The following SLC39A10 variants were observed in gnomAD, a reference collection of about 807,000 sequenced individuals.
SLC39A10 encodes the protein solute carrier family 39 member 10.
In SLC39A10, 13 loss-of-function variants were observed where a neutral mutation model predicts 65.1. The observed-to-expected ratio is 0.20, with a 90% CI of 0.13 to 0.32. The LOEUF (loss-of-function observed/expected upper bound fraction) is 0.32, where lower values mean the gene tolerates loss of function less well. Among genes scored for constraint, SLC39A10 ranks in the 10% least tolerant of loss-of-function variants. The pLI, the probability that SLC39A10 is intolerant of heterozygous loss-of-function variation, is 1.00. For missense variants in SLC39A10, 831 were observed against 1,018.4 expected (o/e 0.82, Z 2.50); for synonymous variants, 321 against 342.2 (o/e 0.94, Z 0.68).
At chr2:195,689,440 T>C (rs772108020) in intron 3 of SLC39A10, among the ~76,000 whole-genome samples, 5 of 152,074 alleles carry the variant, frequency 3.3e-5, no homozygotes, top group Non-Finnish European at 7.4e-5. Flanking sequence ...AAGAGGACTT[T>C]GGGTTTAGTT....
rs1343031845 is a variant in SLC39A10 at position 195,616,013 on chromosome 2, T to C, written c.-12+9780T>C. 2.0e-5 allele frequency among the ~76,000 whole-genome samples: 3 copies of C among 152,348 alleles called. No individual in the cohort carries two copies. The East Asian group carries it at 5.8e-4, about 29-fold the overall frequency. On this transcript the variant is annotated intron_variant, in intron 2 of 2. Coordinates refer to the SLC39A10 transcript ENST00000458054. ...CCGGTTCGCCCAGGCTAGAGTGCAG[T>C]GGCAGAATCTTGGCTCACTGCAAAC...
At position 195,680,463 on chromosome 2, in the gene SLC39A10, A is replaced by G. The variant is rs751226807; in HGVS notation, c.421A>G (p.Thr141Ala). ...TAATCATTTAAATTCAGAAAATCAA[A>G]CTGTGACCAGTGTATCCACAAAAAG... ...SHNHLNSENQ[T>A]VTSVSTKRNH... Residue 141 changes from threonine (T) to alanine (A), a missense_variant, in exon 2 of 10, where the codon ACT (threonine) becomes GCT (alanine). Around this residue, in one of 4 missense-constraint regions of SLC39A10, gnomAD observed 446 missense variants for 499.2 expected, o/e 0.89. Coordinates refer to ENST00000359634, the MANE Select transcript of SLC39A10 (RefSeq NM_020342.3). 6.2e-7 allele frequency: 1 copy of G among 1,614,184 alleles called. No individual in the cohort carries two copies. The highest frequency in any genetic ancestry group is 8.5e-7 in the Non-Finnish European group (1 of 1,180,026).
intron 2 of SLC39A10, among the ~76,000 whole-genome samples, chr2:195,649,334 G>C (rs927973292): frequency 2.6e-5 from 4 of 152,086 alleles, no homozygotes; most frequent in Non-Finnish European, 4.4e-5. Context: ...TTCATTTCTT[G>C]CCTTCCCTAA....
At chr2:195,652,708 C>T (rs950245438), upstream of SLC39A10, among the ~76,000 whole-genome samples, 2 of 152,094 alleles carry the variant, frequency 1.3e-5, no homozygotes, top group African/African-American at 2.4e-5. Flanking sequence ...AGTTAATTCT[C>T]TCCTGGATCA....
chr2:195,676,907 A>G lies in SLC39A10; in HGVS notation c.-11-3125A>G, dbSNP rs187875642. 2.5e-3 allele frequency among the ~76,000 whole-genome samples: 387 copies of G among 152,324 alleles called. 1 individual carries two copies. The highest frequency in any genetic ancestry group is 8.0e-3 in the Admixed American group (122 of 15,294). ...TGCAGTATATCCCATCTATTCATGT[A>G]GATGATGTGTTTCTCCAGGTTTTTC... On this transcript the variant is annotated intron_variant, in intron 1 of 9. Transcript: ENST00000359634.
chr2:195,711,201 C>G (rs1691591549), intron 5 of SLC39A10, among the ~76,000 whole-genome samples: 1 of 152,194 alleles, frequency 6.6e-6, no homozygotes. Context: ...CTCCAGTGAG[C>G]TTTCCCTTTA....
At chr2:195,664,438 A>C (rs544673826) in intron 1 of SLC39A10, among the ~76,000 whole-genome samples, 1 of 152,252 alleles carries the variant, frequency 6.6e-6, no homozygotes, top group Non-Finnish European at 1.5e-5. Flanking sequence ...GCAGTCATAG[A>C]AGAAATTGCA....
chr2:195,624,458 A>G (rs1019135491), intron 2 of SLC39A10, among the ~76,000 whole-genome samples: 7 of 151,852 alleles, frequency 4.6e-5, no homozygotes, highest in African/African-American at 1.7e-4. Context: ...AAAAATAAAA[A>G]ATAACTTAAA....
At chr2:195,709,930 C>T (rs1691551342) in intron 5 of SLC39A10, among the ~76,000 whole-genome samples, 1 of 152,064 alleles carries the variant, frequency 6.6e-6, no homozygotes, top group South Asian at 2.1e-4. Flanking sequence ...AAAATGTTTT[C>T]ACACAAAAAG....
At chr2:195,619,877 T>C (rs1018691721) in intron 2 of SLC39A10, among the ~76,000 whole-genome samples, 6 of 149,162 alleles carry the variant, frequency 4.0e-5, no homozygotes, top group Non-Finnish European at 8.8e-5. Flanking sequence ...TCCAGGACTT[T>C]ATTTATTTAT....
At chr2:195,633,251 A>C (rs6748222) in intron 2 of SLC39A10, among the ~76,000 whole-genome samples, 6,562 of 152,138 alleles carry the variant, frequency 0.043, 332 homozygotes, top group African/African-American at 0.12. Context: ...AGCAAACTCC[A>C]CTCCACTCAA....
At position 195,737,438 on chromosome 2, in the gene SLC39A10, T is replaced by C. The variant is rs1692683445; in HGVS notation, c.*2397T>C. The stretch of plus-strand genomic sequence containing the variant: ...TGATTGATTATGCTTAGAAATACTA[T>C]AGTAACTAGATGCAGTGTGAATTTT... On this transcript the variant is annotated 3_prime_UTR_variant, in exon 10 of 10. Transcript: ENST00000359634. 6.2e-6 allele frequency: 1 copy of C among 161,498 alleles called. No homozygotes were observed. The highest frequency in any genetic ancestry group is 2.4e-5 in the African/African-American group (1 of 41,448). The allele number at this position is 161,498 out of a possible 1,614,324, so 10.0% of individuals were successfully genotyped here. A position where few individuals can be genotyped will look rare whatever the true frequency, so the allele number is the denominator to read the frequency against.
intron 8 of SLC39A10, among the ~76,000 whole-genome samples, chr2:195,720,128 T>C (rs1008753920): frequency 6.6e-6 from 1 of 152,138 alleles, no homozygotes; most frequent in Admixed American, 6.5e-5. Flanking sequence ...GGTTTCACCA[T>C]GTTGGCCAGG....
intron 2 of SLC39A10, among the ~76,000 whole-genome samples, chr2:195,681,390 G>A (rs1205053097): frequency 6.6e-6 from 1 of 152,090 alleles, no homozygotes; most frequent in Non-Finnish European, 1.5e-5. Context: ...GCGGGGCATG[G>A]TGGCGGGCGC....
intron 2 of SLC39A10, among the ~76,000 whole-genome samples, chr2:195,617,975 G>T (rs577317310): frequency 6.7e-6 from 1 of 149,934 alleles, no homozygotes; most frequent in Non-Finnish European, 1.5e-5. Context: ...TCCAGACCTC[G>T]TGATCCGCCC....
At chr2:195,734,716 G>A (rs1415366763) in intron 9 of SLC39A10, among the ~76,000 whole-genome samples, 167 bp from the exon 10 acceptor site, 1 of 152,134 alleles carries the variant, frequency 6.6e-6, no homozygotes, top group Admixed American at 6.5e-5. Flanking sequence ...AATTTCTTCA[G>A]TATTTGACTA....
At chr2:195,696,335 A>AAAG (rs1553503250) in intron 3 of SLC39A10, among the ~76,000 whole-genome samples, 1 of 137,686 alleles carries the variant, frequency 7.3e-6, no homozygotes, top group Non-Finnish European at 1.6e-5. Context: ...AAAAAAAAAA[A>AAAG]CCTATCATTA....
intron 3 of SLC39A10, among the ~76,000 whole-genome samples, chr2:195,685,548 T>A (rs1329760868): frequency 6.6e-6 from 1 of 152,126 alleles, no homozygotes; most frequent in Non-Finnish European, 1.5e-5. Context: ...CATAATAAAC[T>A]ACTGATAATA....
At chr2:195,700,038 C>T (rs1208619978) in intron 3 of SLC39A10, among the ~76,000 whole-genome samples, 1 of 152,098 alleles carries the variant, frequency 6.6e-6, no homozygotes, top group South Asian at 2.1e-4. Flanking sequence ...TTTAACCACC[C>T]CTGCTCTCTT....
Sources: allele counts gnomAD v4.1 joint callset (sites outside exome capture counted in the v4.1 genomes callset), GRCh38; gene constraint gnomAD v4.1.1; regional missense constraint gnomAD v4.1.1; transcripts MANE v1.5; gene names NCBI Gene and HGNC (gene_info 2026-07-23, HGNC 2026-07-21).